Variants in PRSS21 observed in about 807,000 individuals in gnomAD.
The protein encoded by PRSS21 is testisin.
PRSS21 carries 40 observed loss-of-function variants against 31.1 expected under a neutral mutation model. The ratio of observed to expected loss-of-function variants is 1.29; its 90% CI spans 1.00 to 1.68. PRSS21 has a LOEUF of 1.68. Among genes scored for constraint, PRSS21 ranks in the 40% most tolerant of loss-of-function variants. PRSS21 has a pLI of 0.00. For synonymous variants in PRSS21, 186 were observed against 167.7 expected (o/e 1.11, Z -0.84); for missense variants, 467 against 412.6 (o/e 1.13, Z -1.14).
intron 3 of PRSS21, 141 bp downstream of exon 3, chr16:2,818,107 C>A: frequency 8.9e-7 from 1 of 1,121,210 alleles, no homozygotes; most frequent in Non-Finnish European, 1.3e-6. Context: ...TCTCCTGAGC[C>A]CCAGGCTGTG....
rs1271868764 is a variant in PRSS21, at chr16:2,817,850, C to A, written c.141C>A (p.Asp47Glu). The change falls in exon 3 of 6, where the codon GAC (aspartate) becomes GAA (glutamate). Residue 47 changes from aspartate to glutamate, a missense_variant. Asp to Glu is a conservative substitution (Grantham distance 45). Transcript: ENST00000005995. This position sits in a 1 kb window ranked among gnomAD's most constrained non-coding sequence, Gnocchi z 4.2. ...VITSRIVGGE[D>E]AELGRWPWQG... ...CGTCGCGCATCGTGGGTGGAGAGGA[C>A]GCCGAACTCGGGCGTTGGCCGTGGC... 6.4e-7 allele frequency: 1 copy of A among 1,550,732 alleles called. No homozygotes were observed. Among genetic ancestry groups the A allele is most frequent in the Admixed American group, 2.0e-5 (1 of 51,106 alleles).
chr16:2,818,017 G>A, intron 3 of PRSS21, 51 bp downstream of exon 3: 1 of 1,514,226 alleles, frequency 6.6e-7, no homozygotes, highest in East Asian at 2.5e-5. Flanking sequence ...GAACAGGGCT[G>A]GAGGGAGTGC....
At chr16:2,820,925 T>C (rs769777491) in intron 4 of PRSS21, 30 bp from the exon 5 acceptor site, 5 of 1,608,062 alleles carry the variant, frequency 3.1e-6, no homozygotes, top group Non-Finnish European at 4.2e-6. Flanking sequence ...CAGGTTGCTG[T>C]CTCTCTCCTT....
chr16:2,820,698 C>A (rs766623982), intron 4 of PRSS21, among the ~76,000 whole-genome samples: 26 of 152,212 alleles, frequency 1.7e-4, no homozygotes, highest in Non-Finnish European at 2.5e-4. Flanking sequence ...TGGCTGCAGG[C>A]AGGGCCATTG....
chr16:2,817,486 C>T lies in PRSS21; in HGVS notation c.91+30C>T, dbSNP rs747004732. 3.9e-6 allele frequency: 6 copies of T among 1,551,294 alleles called. No homozygotes were observed. The highest frequency in any genetic ancestry group is 1.4e-5 in the African/African-American group (1 of 69,812). On this transcript the variant is annotated intron_variant, in intron 2 of 5. Transcript: ENST00000005995. The surrounding 1 kb of genome is among the most constrained non-coding windows in gnomAD (Gnocchi z 4.2). Reference sequence around the variant, plus strand: ...GGCGCCCAGGACGCGCGATTCCTGCCAGGGCCGTTGGGCCGAGGTGGACGG... The same window carrying T: ...GGCGCCCAGGACGCGCGATTCCTGCTAGGGCCGTTGGGCCGAGGTGGACGG...
Position 2,817,492 on chromosome 16 carries a change from C to T in PRSS21, c.91+36C>T, listed in dbSNP as rs776730377. 2.1e-6 allele frequency: 3 copies of T among 1,456,160 alleles called. No individual in the cohort carries two copies. Among genetic ancestry groups the T allele is most frequent in the East Asian group, 3.0e-5 (1 of 33,610 alleles). 90.2% of individuals were successfully genotyped at this position (1,456,160 alleles called of 1,614,324 possible). A position where few individuals can be genotyped will look rare whatever the true frequency, so the allele number is the denominator to read the frequency against. ...CAGGACGCGCGATTCCTGCCAGGGC[C>T]GTTGGGCCGAGGTGGACGGGGGGCG... On this transcript the variant is annotated intron_variant, in intron 2 of 5. Transcript: ENST00000005995. This position sits in a 1 kb window ranked among gnomAD's most constrained non-coding sequence, Gnocchi z 4.2.
Position 2,818,987 on chromosome 16 carries a change from C to T in PRSS21, c.550+18C>T, listed in dbSNP as rs528891313. The T allele has an allele frequency of 2.0e-5, 33 of 1,611,456 alleles. No homozygotes were observed. The highest frequency in any genetic ancestry group is 8.9e-5 in the East Asian group (4 of 44,844). ...GGATGAGGGTGAGGCTGGGGACAGG[C>T]GGGTCAGGGAGGAACTGTCTTTGTT... On this transcript the variant is annotated intron_variant, in intron 4 of 5. Coordinates refer to ENST00000005995, the MANE Select transcript of PRSS21 (RefSeq NM_006799.4).
chr16:2,817,729 A>T lies in PRSS21; in HGVS notation c.92-72A>T. 6.6e-7 allele frequency: 1 copy of T among 1,513,364 alleles called. No homozygotes were observed. The highest frequency in any genetic ancestry group is 8.9e-7 in the Non-Finnish European group (1 of 1,127,014). 93.7% of individuals were successfully genotyped at this position (1,513,364 alleles called of 1,614,324 possible). On this transcript the variant is annotated intron_variant, in intron 2 of 5. Transcript: ENST00000005995. This position sits in a 1 kb window ranked among gnomAD's most constrained non-coding sequence, Gnocchi z 4.2. Reference sequence around the variant, plus strand: ...AAACGTGCTTTCCCGGACGGGGTTGAAGGGGAGAAAGGGAGAGGTCGGGCT... The same window carrying T: ...AAACGTGCTTTCCCGGACGGGGTTGTAGGGGAGAAAGGGAGAGGTCGGGCT...
At position 2,821,382 on chromosome 16, in the gene PRSS21, C is replaced by A; in HGVS notation, c.722C>A (p.Pro241His). 6.2e-7 allele frequency: 1 copy of A among 1,614,188 alleles called. No homozygotes were observed. The highest frequency in any genetic ancestry group is 8.5e-7 in the Non-Finnish European group (1 of 1,180,020). ...KDACFGDSGG[P>H]LACNKNGLWY... ...GCTCCCCAGGGTGACTCAGGTGGAC[C>A]CTTGGCCTGTAACAAGAATGGACTG... Residue 241 changes from proline (P) to histidine (H), a missense_variant, in exon 6 of 6, where the codon CCC becomes CAC. Coordinates refer to ENST00000005995, the MANE Select transcript of PRSS21 (RefSeq NM_006799.4).
rs932395569 is a variant in PRSS21, at chr16:2,820,804, T to C, written c.551-151T>C. On this transcript the variant is annotated intron_variant, in intron 4 of 5. Transcript: ENST00000005995. ...GTGATGCTGCTGAGGGCCTCTGTTGTGCTGGGGTCTGGGTTGGAGCTGGGG... is the reference window on the plus strand; with the variant it reads ...GTGATGCTGCTGAGGGCCTCTGTTGCGCTGGGGTCTGGGTTGGAGCTGGGG... The C allele has an allele frequency of 7.8e-6, 6 of 770,454 alleles. No individual in the cohort carries two copies. The Admixed American group carries it at 9.2e-5, about 12-fold the overall frequency. 47.7% of individuals were successfully genotyped at this position (770,454 alleles called of 1,614,324 possible).
chr16:2,818,015 C>T, intron 3 of PRSS21, 49 bp downstream of exon 3: 1 of 1,516,300 alleles, frequency 6.6e-7, no homozygotes, highest in Non-Finnish European at 8.9e-7. Context: ...AGGAACAGGG[C>T]TGGAGGGAGT....
Position 2,821,009 on chromosome 16 carries a change from C to T in PRSS21, c.605C>T (p.Ser202Phe), listed in dbSNP as rs765664846. Residue 202 changes from serine (S) to phenylalanine (F), a missense_variant, in exon 5 of 6, where the codon TCT (serine) becomes TTT (phenylalanine). Physicochemically the swap from Ser to Phe is radical, Grantham distance 155. Coordinates refer to ENST00000005995, the MANE Select transcript of PRSS21 (RefSeq NM_006799.4). ...GTTCAGGTCGCCATCATAAACAACT[C>T]TATGTGCAACCACCTCTTCCTCAAG... ...QEVQVAIINNSMCNHLFLKYS... is the reference protein window; with the variant it reads ...QEVQVAIINNFMCNHLFLKYS... 1.2e-6 allele frequency: 2 copies of T among 1,614,132 alleles called. No homozygotes were observed. Among genetic ancestry groups the T allele is most frequent in the South Asian group, 1.1e-5 (1 of 91,086 alleles).
In PRSS21 at chr16:2,817,260, G is replaced by C. The variant is rs1293282535; in HGVS notation, c.-9G>C. The C allele has an allele frequency of 6.6e-7, 1 of 1,522,150 alleles. No homozygotes were observed. Among genetic ancestry groups the C allele is most frequent in the Middle Eastern group, 2.3e-4 (1 of 4,306 alleles). The allele number at this position is 1,522,150 out of a possible 1,614,324, so 94.3% of individuals were successfully genotyped here. On this transcript the variant is annotated 5_prime_UTR_variant, in exon 1 of 6. Coordinates refer to ENST00000005995, the MANE Select transcript of PRSS21 (RefSeq NM_006799.4). The surrounding 1 kb of genome is among the most constrained non-coding windows in gnomAD (Gnocchi z 4.2). ...GCAGAGGGGGCGTCAGGCCGCGGGAGAGGAGGCCATGGGCGCGCGCGGGGC... is the reference window on the plus strand; with the variant it reads ...GCAGAGGGGGCGTCAGGCCGCGGGACAGGAGGCCATGGGCGCGCGCGGGGC...
In PRSS21 at chr16:2,817,244, G is replaced by T; in HGVS notation, c.-25G>T. 4 of 1,489,232 alleles carry T rather than the reference G, an allele frequency of 2.7e-6. No homozygotes were observed. The highest frequency in any genetic ancestry group is 2.7e-5 in the East Asian group (1 of 36,986). 92.3% of individuals were successfully genotyped at this position (1,489,232 alleles called of 1,614,324 possible). ...CCCGGCGCGAGAGGAGGCAGAGGGGGCGTCAGGCCGCGGGAGAGGAGGCCA... is the reference window on the plus strand; with the variant it reads ...CCCGGCGCGAGAGGAGGCAGAGGGGTCGTCAGGCCGCGGGAGAGGAGGCCA... On this transcript the variant is annotated 5_prime_UTR_variant, in exon 1 of 6. Transcript: ENST00000005995. The surrounding 1 kb of genome is among the most constrained non-coding windows in gnomAD (Gnocchi z 4.2).
chr16:2,821,277 T>C, intron 5 of PRSS21, 89 bp from the exon 6 acceptor site: 1 of 1,554,718 alleles, frequency 6.4e-7, no homozygotes. Flanking sequence ...GCACCCAGTC[T>C]ACCCAGCCCC....
Position 2,818,912 on chromosome 16 carries a change from T to A in PRSS21, c.493T>A (p.Phe165Ile). 1 of 1,614,150 alleles carries A rather than the reference T, an allele frequency of 6.2e-7. No individual in the cohort carries two copies. Among genetic ancestry groups the A allele is most frequent in the Non-Finnish European group, 8.5e-7 (1 of 1,180,016 alleles). Residue 165 changes from phenylalanine to isoleucine, a missense_variant, in exon 4 of 6, where the codon TTT (phenylalanine) becomes ATT (isoleucine). By Grantham distance (21) the Phe-to-Ile change is conservative. Coordinates refer to ENST00000005995, the MANE Select transcript of PRSS21 (RefSeq NM_006799.4). ...CTGTCTCCAGGCCTCCACATTTGAG[T>A]TTGAGAACCGGACAGACTGCTGGGT... ...PICLQASTFE[F>I]ENRTDCWVTG... is the part of the protein sequence containing the mutation.
Position 2,817,950 on chromosome 16 carries a change from G to A in PRSS21, c.241G>A (p.Ala81Thr). 1 of 1,549,010 alleles carries A rather than the reference G, an allele frequency of 6.5e-7. No homozygotes were observed. ...CAGCCACCGCTGGGCACTCACGGCG[G>A]CGCACTGCTTTGAAACGTGAGTGGG... ...LLSHRWALTA[A>T]HCFETYSDLS... The change falls in exon 3 of 6, where the codon GCG (alanine) becomes ACG (threonine). Residue 81 changes from alanine (A) to threonine (T), a missense_variant. Ala to Thr is a moderately conservative substitution (Grantham distance 58). Coordinates refer to ENST00000005995, the MANE Select transcript of PRSS21 (RefSeq NM_006799.4). This position sits in a 1 kb window ranked among gnomAD's most constrained non-coding sequence, Gnocchi z 4.2.
intron 4 of PRSS21, among the ~76,000 whole-genome samples, chr16:2,819,881 C>T (rs879517931): frequency 7.2e-5 from 11 of 152,224 alleles, no homozygotes; most frequent in African/African-American, 1.9e-4. Flanking sequence ...AGTCACACCC[C>T]GGCAGTTGGG....
chr16:2,817,868 G>GC lies in PRSS21; in HGVS notation c.161dup (p.Trp55ValfsTer31). The stretch of plus-strand genomic sequence containing the variant: ...GAGAGGACGCCGAACTCGGGCGTTG[G>GC]CCGTGGCAGGGGAGCCTGCGCCTGT... On this transcript the variant is annotated frameshift_variant, in exon 3 of 6. Transcript: ENST00000005995. LOFTEE classifies it high-confidence loss of function. The surrounding 1 kb of genome is among the most constrained non-coding windows in gnomAD (Gnocchi z 4.2). The GC allele has an allele frequency of 6.5e-7, 1 of 1,550,208 alleles. No homozygotes were observed.
Sources: gnomAD v4.1 joint callset for allele counts (sites outside exome capture counted in the v4.1 genomes callset) on GRCh38, gnomAD v4.1.1 for gene constraint, Gnocchi (gnomAD v3.1) non-coding constraint, MANE v1.5 for transcripts, NCBI Gene and HGNC (gene_info 2026-07-23, HGNC 2026-07-21) for gene names.